DMXL1: variants seen among roughly 807,000 people sequenced by gnomAD.
DMXL1 encodes the protein Dmx like 1.
Under a neutral mutation model 319.2 loss-of-function variants are expected in DMXL1, and 99 were observed. The observed-to-expected ratio is 0.31, with a 90% CI of 0.26 to 0.37. The LOEUF (loss-of-function observed/expected upper bound fraction) is 0.37, where lower values mean the gene tolerates loss of function less well. Among genes scored for constraint, DMXL1 ranks in the 10% least tolerant of loss-of-function variants. The probability of loss-of-function intolerance (pLI) is 1.00; values close to 1 mark genes in which losing one functional copy is unlikely to be tolerated. For missense variants in DMXL1, 3,745 were observed against 3,595.6 expected (o/e 1.04, Z -1.06); for synonymous variants, 1,385 against 1,235.2 (o/e 1.12, Z -2.54).
intron 13 of DMXL1, among the ~76,000 whole-genome samples, chr5:119,142,091 C>T (rs1254409838): frequency 6.6e-6 from 1 of 152,094 alleles, no homozygotes; most frequent in Non-Finnish European, 1.5e-5. Flanking sequence ...CCCTTCCTTA[C>T]ATCATATACA....
rs997397546 is a variant in DMXL1 at position 119,071,150 on chromosome 5, G to C, written c.-420G>C. On this transcript the variant is annotated 5_prime_UTR_variant, in exon 1 of 44. Transcript: ENST00000539542. ...CGGGCACCGGAGCCGGGAAGGGACAGGTCAGGCGGGGAGTGCGAGCGCGTA... is the reference window on the plus strand; with the variant it reads ...CGGGCACCGGAGCCGGGAAGGGACACGTCAGGCGGGGAGTGCGAGCGCGTA... 4.6e-6 allele frequency: 1 copy of C among 216,358 alleles called. No homozygotes were observed. Among genetic ancestry groups the C allele is most frequent in the Non-Finnish European group, 9.4e-6 (1 of 106,500 alleles). 13.4% of individuals were successfully genotyped at this position (216,358 alleles called of 1,614,324 possible). A position where few individuals can be genotyped will look rare whatever the true frequency, so the allele number is the denominator to read the frequency against.
intron 1 of DMXL1, among the ~76,000 whole-genome samples, chr5:119,077,158 A>G (rs927271484): frequency 6.6e-6 from 1 of 151,982 alleles, no homozygotes; most frequent in African/African-American, 2.4e-5. Flanking sequence ...GCCCAGTGCT[A>G]TTTTATTTTA....
chr5:119,181,624 C>T (rs1449383754), intron 28 of DMXL1, among the ~76,000 whole-genome samples: 3 of 152,120 alleles, frequency 2.0e-5, no homozygotes, highest in African/African-American at 7.2e-5. Context: ...GAGTTTGAGA[C>T]CAGCCTGGCC....
chr5:119,135,202 A>G (rs1001893469), intron 13 of DMXL1, among the ~76,000 whole-genome samples: 1 of 152,174 alleles, frequency 6.6e-6, no homozygotes, highest in Admixed American at 6.5e-5. Context: ...TTTATCAGGC[A>G]TTTTTAAGTA....
chr5:119,206,047 TG>T (rs1376465982), intron 33 of DMXL1, among the ~76,000 whole-genome samples: 1 of 152,102 alleles, frequency 6.6e-6, no homozygotes, highest in South Asian at 2.1e-4. Context: ...CCTAAAATCC[TG>T]GTTTTCTCAG....
chr5:119,229,821 A>G (rs972289087), intron 38 of DMXL1, among the ~76,000 whole-genome samples: 2 of 152,228 alleles, frequency 1.3e-5, no homozygotes, highest in African/African-American at 4.8e-5. Flanking sequence ...TAGAGTAGCA[A>G]ATCTATATCT....
At chr5:119,127,280 A>G (rs992444095) in intron 9 of DMXL1, 1 of 221,122 alleles carries the variant, frequency 4.5e-6, no homozygotes, top group South Asian at 8.4e-5. Flanking sequence ...CCTTCCTCTG[A>G]CTCTCTTGCC....
At chr5:119,130,203 A>T (rs1291161359) in intron 10 of DMXL1, among the ~76,000 whole-genome samples, 2 of 152,168 alleles carry the variant, frequency 1.3e-5, no homozygotes, top group Non-Finnish European at 2.9e-5. Flanking sequence ...AAGTTTCCAC[A>T]TTGTTAAGTT....
chr5:119,119,097 T>A, intron 8 of DMXL1, 93 bp downstream of exon 8: 1 of 789,870 alleles, frequency 1.3e-6, no homozygotes, highest in Non-Finnish European at 1.9e-6. Context: ...AAAAACTATA[T>A]CCTAGGAAAA....
intron 4 of DMXL1, 98 bp downstream of exon 4, chr5:119,105,356 G>C (rs1758106366): frequency 2.1e-6 from 2 of 951,962 alleles, no homozygotes; most frequent in Admixed American, 4.2e-5. Context: ...TGGGTGTGAG[G>C]TTGTGGGGAA....
intron 23 of DMXL1, among the ~76,000 whole-genome samples, chr5:119,169,195 A>G (rs1188935967): frequency 6.6e-6 from 1 of 152,176 alleles, no homozygotes; most frequent in Non-Finnish European, 1.5e-5. Flanking sequence ...ACTTTCTTAT[A>G]CTTAACACAT....
chr5:119,177,962 A>G (rs765204601), intron 27 of DMXL1, 34 bp from the exon 28 acceptor site: 4 of 1,528,676 alleles, frequency 2.6e-6, no homozygotes, highest in South Asian at 1.3e-5. Flanking sequence ...AAAAATTTAT[A>G]GTCAGTGACA....
At chr5:119,186,544 T>G (rs1344947560) in intron 28 of DMXL1, among the ~76,000 whole-genome samples, 1 of 152,248 alleles carries the variant, frequency 6.6e-6, no homozygotes, top group African/African-American at 2.4e-5. Context: ...AATTTCATTG[T>G]GCTGATTTTA....
intron 19 of DMXL1, among the ~76,000 whole-genome samples, chr5:119,163,560 G>A (rs1772725949): frequency 6.6e-6 from 1 of 152,040 alleles, no homozygotes; most frequent in Non-Finnish European, 1.5e-5. Flanking sequence ...GGGATTACAG[G>A]CACATACCAC....
chr5:119,212,722 A>G (rs976299903), intron 34 of DMXL1, among the ~76,000 whole-genome samples: 5 of 152,168 alleles, frequency 3.3e-5, no homozygotes, highest in African/African-American at 1.2e-4. Flanking sequence ...TTGAAACTTT[A>G]GGAGATCTTT....
At chr5:119,122,975 C>T (rs562048625) in intron 9 of DMXL1, among the ~76,000 whole-genome samples, 57 of 152,236 alleles carry the variant, frequency 3.7e-4, no homozygotes, top group African/African-American at 1.3e-3. Flanking sequence ...GAGGTTGTAG[C>T]GAGCGGAGAT....
intron 3 of DMXL1, 74 bp downstream of exon 3, chr5:119,102,080 T>C: frequency 1.1e-6 from 1 of 934,436 alleles, no homozygotes; most frequent in South Asian, 1.5e-5. Flanking sequence ...ATCAGAGTGA[T>C]CATTGAGTAA....
Position 119,247,259 on chromosome 5 carries a change from A to G in DMXL1, c.*40A>G. ...GATGTACAATTTATTACCTATATGG[A>G]AGTGGCCAACAGATATAATATACAG... On this transcript the variant is annotated 3_prime_UTR_variant, in exon 44 of 44. Transcript: ENST00000539542. 1 of 1,427,768 alleles carries G rather than the reference A, an allele frequency of 7.0e-7. No homozygotes were observed. The highest frequency in any genetic ancestry group is 9.8e-7 in the Non-Finnish European group (1 of 1,024,122). 88.4% of individuals were successfully genotyped at this position (1,427,768 alleles called of 1,614,324 possible).
intron 4 of DMXL1, among the ~76,000 whole-genome samples, chr5:119,107,983 A>G (rs889229769): frequency 3.3e-5 from 5 of 152,224 alleles, no homozygotes; most frequent in Admixed American, 6.5e-5. Context: ...TCAAATTCAC[A>G]TGGCTAATTA....
Sources: allele counts gnomAD v4.1 joint callset (sites outside exome capture counted in the v4.1 genomes callset), GRCh38; gene constraint gnomAD v4.1.1; transcripts MANE v1.5; gene names NCBI Gene and HGNC (gene_info 2026-07-23, HGNC 2026-07-21).